DMD: variants seen among roughly 807,000 people sequenced by gnomAD.
The protein encoded by DMD is mutant dystrophin.
Under a neutral mutation model 330.1 loss-of-function variants are expected in DMD, and 63 were observed. The observed-to-expected ratio is 0.19, with a 90% CI of 0.16 to 0.24. DMD has a LOEUF of 0.24. Among genes scored for constraint, DMD ranks in the 10% least tolerant of loss-of-function variants. The probability of loss-of-function intolerance (pLI) is 1.00; values close to 1 mark genes in which losing one functional copy is unlikely to be tolerated. For missense variants in DMD, 3,344 were observed against 2,684.1 expected (o/e 1.25, Z -5.43); for synonymous variants, 1,223 against 959.8 (o/e 1.27, Z -5.07).
chrX:32,432,012 C>T (rs140186776), intron 29 of DMD, among the ~76,000 whole-genome samples: 166 of 111,485 alleles, frequency 1.5e-3, no homozygotes, highest in African/African-American at 5.2e-3. Flanking sequence ...CTGGTGCTAC[C>T]CTGACTTAAT....
chrX:32,678,744 C>A (rs755121204), intron 9 of DMD, among the ~76,000 whole-genome samples: 1 of 111,814 alleles, frequency 8.9e-6, no homozygotes, highest in African/African-American at 3.3e-5. Context: ...TTTTCACATT[C>A]TGTCCTTTGT....
At chrX:32,503,768 C>G (rs1264313009) in intron 18 of DMD, among the ~76,000 whole-genome samples, 5 of 111,023 alleles carry the variant, frequency 4.5e-5, no homozygotes, top group Non-Finnish European at 7.6e-5. Flanking sequence ...GTTGGCCAGG[C>G]TGGTCTCAAA....
intron 1 of DMD, among the ~76,000 whole-genome samples, chrX:33,115,729 A>G (rs1029356430): frequency 9.2e-6 from 1 of 108,925 alleles, no homozygotes; most frequent in African/African-American, 3.3e-5. Context: ...GTTAGCCAGG[A>G]TGGTCTCGAT....
chrX:32,380,282 A>G (rs951114407), intron 34 of DMD, among the ~76,000 whole-genome samples: 9 of 111,202 alleles, frequency 8.1e-5, no homozygotes, highest in African/African-American at 2.9e-4. Flanking sequence ...TTAAGGTCTT[A>G]TTCATAATTT....
chrX:32,116,311 T>A (rs772800325), intron 44 of DMD, among the ~76,000 whole-genome samples: 1 of 112,243 alleles, frequency 8.9e-6, no homozygotes, highest in African/African-American at 3.2e-5. Context: ...ACCTTCAATA[T>A]CATTTTCTAT....
intron 2 of DMD, among the ~76,000 whole-genome samples, chrX:32,884,162 AAATAGT>A (rs752972596): frequency 9.0e-6 from 1 of 111,495 alleles, no homozygotes; most frequent in Non-Finnish European, 1.9e-5. Context: ...TCCCACTAGG[AAATAGT>A]AGGGTGACAT....
At chrX:31,972,787 G>T (rs1402769768) in intron 44 of DMD, among the ~76,000 whole-genome samples, 2 of 111,701 alleles carry the variant, frequency 1.8e-5, no homozygotes, top group Non-Finnish European at 3.8e-5. Context: ...GAGAAAAGAT[G>T]TAATAAAATG....
At chrX:32,581,650 T>G (rs2053665209) in intron 13 of DMD, among the ~76,000 whole-genome samples, 1 of 112,061 alleles carries the variant, frequency 8.9e-6, no homozygotes, top group African/African-American at 3.2e-5. Flanking sequence ...TTATGTGTAT[T>G]AAATACATAA....
intron 60 of DMD, among the ~76,000 whole-genome samples, chrX:31,393,174 C>CT (rs778190829): frequency 4.3e-4 from 48 of 112,090 alleles, no homozygotes; most frequent in Non-Finnish European, 8.7e-4. Context: ...ATGATCTTAA[C>CT]TTGTTTAAAA....
intron 7 of DMD, among the ~76,000 whole-genome samples, chrX:32,769,047 GAAAAAACA>G (rs2073313219): frequency 9.0e-6 from 1 of 110,801 alleles, no homozygotes; most frequent in South Asian, 3.8e-4. Flanking sequence ...ATGGCTATAT[GAAAAAACA>G]AAAAAACAAA....
At chrX:32,737,183 A>C (rs111426167) in intron 7 of DMD, among the ~76,000 whole-genome samples, 8,265 of 109,654 alleles carry the variant, frequency 0.075, 781 homozygotes, top group African/African-American at 0.26. Context: ...TTTCTTGAAA[A>C]CTCAGCCCAA....
chrX:32,378,655 T>G (rs2097913372), intron 34 of DMD, among the ~76,000 whole-genome samples: 1 of 111,033 alleles, frequency 9.0e-6, no homozygotes, highest in African/African-American at 3.2e-5. Context: ...TTAAATTGTC[T>G]AAAAATTTTT....
intron 59 of DMD, among the ~76,000 whole-genome samples, chrX:31,457,893 T>C (rs766468148): frequency 1.8e-5 from 2 of 111,890 alleles, no homozygotes; most frequent in South Asian, 3.7e-4. Context: ...TTAAGAGCAG[T>C]GATAAAAATA....
chrX:31,167,473 T>G (rs1382781112), intron 74 of DMD, among the ~76,000 whole-genome samples: 1 of 111,845 alleles, frequency 8.9e-6, no homozygotes, highest in Non-Finnish European at 1.9e-5. Context: ...TCTTGACCAA[T>G]GAGCTCAAAA....
chrX:32,362,470 T>C (rs924881045), intron 37 of DMD, among the ~76,000 whole-genome samples: 1 of 111,602 alleles, frequency 9.0e-6, no homozygotes, highest in Non-Finnish European at 1.9e-5. Flanking sequence ...TTCAGCATGC[T>C]ATTTGTTATT....
chrX:32,616,286 A>C (rs375588896), intron 11 of DMD, among the ~76,000 whole-genome samples: 85 of 110,990 alleles, frequency 7.7e-4, no homozygotes, highest in African/African-American at 2.7e-3. Context: ...GTCACTATAC[A>C]CAGCCCCTGT....
Position 33,237,365 on chromosome X carries a change from T to G in DMD, c.7+101894A>C, listed in dbSNP as rs369486577. Among the ~76,000 whole-genome samples, 22 of 109,660 alleles carry G rather than the reference T, an allele frequency of 2.0e-4. 1 individual carries two copies. The highest frequency in any genetic ancestry group is 5.3e-4 in the African/African-American group (16 of 30,103). ...TTCAAGCGATTCTTCTGCCTCAGCC[T>G]CCCAAGTAGCTGAGATTACAGGCGT... On this transcript the variant is annotated intron_variant, in intron 1 of 17. Coordinates refer to the DMD transcript ENST00000288447.
In DMD at chrX:32,364,926, G is replaced by C. The variant is rs2147257149; in HGVS notation, c.5025+94C>G. The C allele has an allele frequency of 1.6e-5, 16 of 1,011,554 alleles. 1 individual carries two copies. In the South Asian group the frequency reaches 3.1e-4, roughly 20 times the overall value. The allele number at this position is 1,011,554 out of a possible 1,213,427, so 83.4% of individuals were successfully genotyped here. A position where few individuals can be genotyped will look rare whatever the true frequency, so the allele number is the denominator to read the frequency against. ...TAAGAGCCAGCATATACGTAGAATT[G>C]AGAAATTTTCAAACACAGAATTGTT... On this transcript the variant is annotated intron_variant, in intron 35 of 78. Transcript: ENST00000357033.
intron 16 of DMD, among the ~76,000 whole-genome samples, chrX:32,554,977 GAGAGAGAAAGAA>G (rs1480836234): frequency 1.9e-5 from 2 of 105,953 alleles, no homozygotes; most frequent in East Asian, 3.2e-4. Flanking sequence ...GAGAGAGAGA[GAGAGAGAAAGAA>G]AGAGAGAAAG....
Sources: allele counts gnomAD v4.1 joint callset (sites outside exome capture counted in the v4.1 genomes callset), GRCh38; gene constraint gnomAD v4.1.1; transcripts MANE v1.5; gene names NCBI Gene and HGNC (gene_info 2026-07-23, HGNC 2026-07-21).